CTNNA3: variants seen among roughly 807,000 people sequenced by gnomAD.
CTNNA3 encodes the protein catenin alpha-3.
In CTNNA3, 76 loss-of-function variants were observed where a neutral mutation model predicts 95.7. The observed-to-expected ratio is 0.79, with a 90% CI of 0.66 to 0.96. The LOEUF (loss-of-function observed/expected upper bound fraction) is 0.96, where lower values mean the gene tolerates loss of function less well. Among genes scored for constraint, CTNNA3 ranks in the 40% least tolerant of loss-of-function variants. The probability of loss-of-function intolerance (pLI) is 0.00; values close to 1 mark genes in which losing one functional copy is unlikely to be tolerated. For missense variants in CTNNA3, 1,191 were observed against 1,089.8 expected (o/e 1.09, Z -1.31); for synonymous variants, 431 against 374.4 (o/e 1.15, Z -1.74).
intron 9 of CTNNA3, among the ~76,000 whole-genome samples, chr10:66,696,549 T>G (rs762393115): frequency 9.9e-5 from 15 of 152,168 alleles, no homozygotes; most frequent in Non-Finnish European, 1.6e-4. Context: ...CAAGTGAAAT[T>G]TTAGGCATAT....
chr10:66,026,181 T>C (rs2079330833), intron 15 of CTNNA3, among the ~76,000 whole-genome samples: 1 of 152,202 alleles, frequency 6.6e-6, no homozygotes, highest in Non-Finnish European at 1.5e-5. Context: ...CTGCTTTATA[T>C]GTGCTTTAGA....
chr10:67,514,316 A>T (rs527917297), intron 5 of CTNNA3, among the ~76,000 whole-genome samples: 129 of 152,278 alleles, frequency 8.5e-4, no homozygotes, highest in African/African-American at 2.9e-3. Flanking sequence ...AAAATAAAAT[A>T]AAATAAAACA....
chr10:67,629,386 G>A (rs1432317547), intron 2 of CTNNA3, among the ~76,000 whole-genome samples: 2 of 152,014 alleles, frequency 1.3e-5, no homozygotes, highest in African/African-American at 4.8e-5. Flanking sequence ...AGTACCACCA[G>A]CAGCAGTCAC....
chr10:66,921,609 A>G (rs1263552286), intron 7 of CTNNA3, among the ~76,000 whole-genome samples: 1 of 152,096 alleles, frequency 6.6e-6, no homozygotes, highest in Admixed American at 6.6e-5. Context: ...GCCACTCCCC[A>G]TATATACATT....
chr10:66,649,045 C>A (rs12262531), intron 9 of CTNNA3, among the ~76,000 whole-genome samples: 2,106 of 152,110 alleles, frequency 0.014, 58 homozygotes, highest in African/African-American at 0.048. Context: ...AAAGTAGATT[C>A]ATAGGAAATG....
At chr10:67,229,788 A>T (rs1055523293) in intron 5 of CTNNA3, among the ~76,000 whole-genome samples, 15 of 152,338 alleles carry the variant, frequency 9.8e-5, no homozygotes, top group African/African-American at 3.6e-4. Flanking sequence ...AGACCTCTAC[A>T]AGGAAAACTA....
chr10:66,274,091 G>T (rs951960357), intron 13 of CTNNA3, among the ~76,000 whole-genome samples: 3 of 152,124 alleles, frequency 2.0e-5, no homozygotes, highest in Non-Finnish European at 4.4e-5. Context: ...CTAAGGCAAG[G>T]TTAGTAAACT....
chr10:66,151,425 A>G (rs1022125891), intron 13 of CTNNA3, among the ~76,000 whole-genome samples: 29 of 152,002 alleles, frequency 1.9e-4, no homozygotes, highest in African/African-American at 7.0e-4. Flanking sequence ...TGACACATGG[A>G]ATATCCATAG....
At chr10:67,673,417 G>A (rs1394251787) in intron 1 of CTNNA3, among the ~76,000 whole-genome samples, 2 of 151,470 alleles carry the variant, frequency 1.3e-5, no homozygotes, top group Non-Finnish European at 2.9e-5. Flanking sequence ...AGTGGTGAGA[G>A]AGGGCATCCC....
intron 14 of CTNNA3, among the ~76,000 whole-genome samples, chr10:66,085,450 T>C (rs572991925): frequency 1.3e-5 from 2 of 152,262 alleles, no homozygotes; most frequent in South Asian, 4.1e-4. Flanking sequence ...ATAGATTACA[T>C]CTTGTCTGTA....
In CTNNA3 at chr10:66,519,171, A is replaced by G. The variant is rs527687397; in HGVS notation, c.1531+1446T>C. Among the ~76,000 whole-genome samples the G allele has an allele frequency of 5.3e-5, 8 of 152,198 alleles. No individual in the cohort carries two copies. The South Asian group carries it at 8.3e-4, about 16-fold the overall frequency. On this transcript the variant is annotated intron_variant, in intron 11 of 17. Transcript: ENST00000433211. ...GAGGATTACTTTTTGAGAGAATAAA[A>G]AAGACGAAAATGTGTTCACTTCTTT...
At chr10:67,521,137 A>G (rs766892429) in intron 5 of CTNNA3, among the ~76,000 whole-genome samples, 18 of 152,206 alleles carry the variant, frequency 1.2e-4, no homozygotes, top group Admixed American at 7.2e-4. Flanking sequence ...GTGGCTGTGA[A>G]GAAACTGGAG....
chr10:66,121,716 C>T (rs1297301011), intron 13 of CTNNA3, among the ~76,000 whole-genome samples: 3 of 152,076 alleles, frequency 2.0e-5, no homozygotes, highest in African/African-American at 7.2e-5. Context: ...TGGCACATGC[C>T]TGTGGTCCCA....
intron 5 of CTNNA3, among the ~76,000 whole-genome samples, chr10:67,463,143 CAT>C (rs1421493729): frequency 6.6e-6 from 1 of 152,040 alleles, no homozygotes; most frequent in Admixed American, 6.6e-5. Context: ...AACCTCAGCT[CAT>C]CTGCCCACCT....
intron 7 of CTNNA3, among the ~76,000 whole-genome samples, chr10:66,794,313 C>T (rs1260434589): frequency 6.6e-6 from 1 of 152,074 alleles, no homozygotes; most frequent in East Asian, 1.9e-4. Context: ...CAGTTCCATA[C>T]CAACACAGTA....
chr10:67,321,857 A>C (rs1841330211), intron 5 of CTNNA3, among the ~76,000 whole-genome samples: 1 of 152,080 alleles, frequency 6.6e-6, no homozygotes, highest in Non-Finnish European at 1.5e-5. Flanking sequence ...GCTTCTCTTC[A>C]ACTTCTTCCA....
At chr10:67,121,180 C>T (rs1859446508) in intron 7 of CTNNA3, among the ~76,000 whole-genome samples, 2 of 152,182 alleles carry the variant, frequency 1.3e-5, no homozygotes, top group African/African-American at 4.8e-5. Context: ...CATAAAGCTA[C>T]ATAAAAACCA....
intron 5 of CTNNA3, among the ~76,000 whole-genome samples, chr10:67,458,390 A>T (rs1326964119): frequency 5.3e-5 from 8 of 152,140 alleles, no homozygotes; most frequent in Non-Finnish European, 1.2e-4. Context: ...GTCTAAAATC[A>T]GTAGGCAGCA....
intron 1 of CTNNA3, among the ~76,000 whole-genome samples, chr10:67,717,007 C>T (rs768267714): frequency 4.6e-5 from 7 of 152,068 alleles, no homozygotes; most frequent in Non-Finnish European, 1.0e-4. Context: ...TTTTAATGAT[C>T]GCCAGTCTAA....
Sources: gnomAD v4.1 joint callset for allele counts (sites outside exome capture counted in the v4.1 genomes callset) on GRCh38, gnomAD v4.1.1 for gene constraint, MANE v1.5 for transcripts, NCBI Gene and HGNC (gene_info 2026-07-23, HGNC 2026-07-21) for gene names.